The following CACNA1A variants were observed in gnomAD, a reference collection of about 807,000 sequenced individuals.
CACNA1A encodes voltage-dependent P/Q-type calcium channel subunit alpha-1A.
In CACNA1A, 57 loss-of-function variants were observed where a neutral mutation model predicts 262.4. The ratio of observed to expected loss-of-function variants is 0.22; its 90% CI spans 0.18 to 0.27. The LOEUF is 0.27. Among genes scored for constraint, CACNA1A ranks in the 10% least tolerant of loss-of-function variants. The probability of loss-of-function intolerance (pLI) is 1.00; values close to 1 mark genes in which losing one functional copy is unlikely to be tolerated. For synonymous variants in CACNA1A, 1,431 were observed against 1,419.3 expected (o/e 1.01, Z -0.18); for missense variants, 2,526 against 3,562.8 (o/e 0.71, Z 7.41).
At chr19:13,289,267 C>T (rs1364114320) in intron 19 of CACNA1A, among the ~76,000 whole-genome samples, 1 of 151,878 alleles carries the variant, frequency 6.6e-6, no homozygotes, top group African/African-American at 2.4e-5. Context: ...TCAGCCTTCC[C>T]AGTAGCTGGG....
intron 31 of CACNA1A, among the ~76,000 whole-genome samples, chr19:13,239,512 CATA>C (rs2055998422): frequency 6.6e-6 from 1 of 152,266 alleles, no homozygotes; most frequent in African/African-American, 2.4e-5. Context: ...TGCTTCTGCC[CATA>C]ATTCCATCTG....
chr19:13,418,401 T>C (rs775297770), intron 3 of CACNA1A, among the ~76,000 whole-genome samples: 6 of 152,150 alleles, frequency 3.9e-5, no homozygotes, highest in African/African-American at 4.8e-5. Context: ...GGTTGAACAG[T>C]GAACCCTCCA....
intron 3 of CACNA1A, among the ~76,000 whole-genome samples, chr19:13,415,073 G>A (rs991052354): frequency 6.6e-6 from 1 of 152,080 alleles, no homozygotes; most frequent in Non-Finnish European, 1.5e-5. Context: ...TTTGGGGAAG[G>A]TAGGAACTAC....
chr19:13,388,799 C>T (rs986210602), intron 3 of CACNA1A, among the ~76,000 whole-genome samples: 25 of 152,174 alleles, frequency 1.6e-4, no homozygotes, highest in African/African-American at 4.8e-4. Flanking sequence ...CGCAAAAACA[C>T]GTGCGATATT....
chr19:13,485,546 T>C lies in CACNA1A; in HGVS notation c.293+20386A>G, dbSNP rs537276634. On this transcript the variant is annotated intron_variant, in intron 1 of 46. Transcript: ENST00000360228. Reference sequence around the variant, plus strand: ...CAATATTTTTTTTTTAAAAGTGACCTAATCAAAAATGGACAGAGCATGTAG... The same window carrying C: ...CAATATTTTTTTTTTAAAAGTGACCCAATCAAAAATGGACAGAGCATGTAG... 6.6e-5 allele frequency among the ~76,000 whole-genome samples: 10 copies of C among 152,168 alleles called. No individual in the cohort carries two copies. The East Asian group carries it at 1.7e-3, about 26-fold the overall frequency.
intron 15 of CACNA1A, chr19:13,307,203 T>C (rs1209806034): frequency 6.6e-6 from 1 of 152,328 alleles, no homozygotes; most frequent in African/African-American, 2.4e-5. Context: ...CCTCAAGTAG[T>C]CCTCCCATCT....
rs377709995 is a variant in CACNA1A, at chr19:13,208,024, G to A, written c.6810C>T (p.Ala2270=). Residue 2270 remains alanine, a synonymous_variant, in exon 47 of 47, where the codon GCC becomes GCT. Coordinates refer to ENST00000360228, the MANE Select transcript of CACNA1A (RefSeq NM_001127222.2). ...QGSSSVSGSP[A]PSTSGTSTPR... ...GAGTGCTGGTACCAGATGTTGAGGG[G>A]GCTGGGCTTCCACTTACGGAACTAC... is the stretch of plus-strand genomic sequence containing the variant. 1.2e-5 allele frequency: 16 copies of A among 1,308,202 alleles called. No individual in the cohort carries two copies. In the East Asian group the frequency reaches 4.7e-4, roughly 38 times the overall value. The allele number at this position is 1,308,202 out of a possible 1,614,324, so 81.0% of individuals were successfully genotyped here.
intron 29 of CACNA1A, among the ~76,000 whole-genome samples, chr19:13,253,426 T>C (rs1267551782): frequency 6.7e-6 from 1 of 149,958 alleles, no homozygotes; most frequent in Non-Finnish European, 1.5e-5. Flanking sequence ...CATACGCCAT[T>C]GTGCTTGGCT....
chr19:13,318,890 C>CTTTTTTTTTTTTTTTTGTTTTTTTTTTT (rs2058187867), intron 10 of CACNA1A, among the ~76,000 whole-genome samples: 1 of 114,668 alleles, frequency 8.7e-6, no homozygotes, highest in Non-Finnish European at 1.7e-5. Flanking sequence ...TAAAATACAT[C>CTTTTTTTTTTTTTTTTGTTTTTTTTTTT]TTTTTTTTTT....
At position 13,503,363 on chromosome 19, in the gene CACNA1A, T is replaced by C. The variant is rs894336417; in HGVS notation, c.293+2569A>G. Among the ~76,000 whole-genome samples, 7 of 152,132 alleles carry C rather than the reference T, an allele frequency of 4.6e-5. No homozygotes were observed. In the East Asian group the frequency reaches 1.2e-3, roughly 25 times the overall value. Reference sequence around the variant, plus strand: ...TGCTGGATACGTGGGTGTGTTCATTTTGTAAAAATCTATGCATCTGAATAT... The same window carrying C: ...TGCTGGATACGTGGGTGTGTTCATTCTGTAAAAATCTATGCATCTGAATAT... On this transcript the variant is annotated intron_variant, in intron 1 of 46. Coordinates refer to ENST00000360228, the MANE Select transcript of CACNA1A (RefSeq NM_001127222.2).
intron 12 of CACNA1A, among the ~76,000 whole-genome samples, chr19:13,309,202 G>T (rs2057967049): frequency 1.3e-5 from 2 of 151,864 alleles, no homozygotes; most frequent in Admixed American, 6.6e-5. Context: ...TAGAGACGGG[G>T]TTTCACTGTG....
intron 10 of CACNA1A, among the ~76,000 whole-genome samples, chr19:13,322,837 A>G (rs9305033): frequency 0.59 from 89,421 of 152,050 alleles, 28,790 homozygotes; most frequent in East Asian, 0.96. Context: ...GACAGCAGTC[A>G]TTGGATTTAG....
chr19:13,418,778 T>G (rs1268952009), intron 3 of CACNA1A, among the ~76,000 whole-genome samples: 2 of 152,244 alleles, frequency 1.3e-5, no homozygotes, highest in Non-Finnish European at 2.9e-5. Context: ...GGTACAGTCA[T>G]GTGCTACATA....
In CACNA1A at chr19:13,303,585, G is replaced by A. The variant is rs764839814; in HGVS notation, c.2133C>T (p.Ile711=). Reference sequence around the variant, plus strand: ...GGGCGTTGGCCAGATTGTCCACAGCGATGGCCAAGAACACATTCAGGAGGG... The same window carrying A: ...GGGCGTTGGCCAGATTGTCCACAGCAATGGCCAAGAACACATTCAGGAGGG... The part of the protein sequence containing the change: ...NYTLLNVFLA[I]AVDNLANAQE... The change falls in exon 17 of 47, where the codon ATC becomes ATT. Residue 711 remains isoleucine, a synonymous_variant. Transcript: ENST00000360228. 13 of 1,610,972 alleles carry A rather than the reference G, an allele frequency of 8.1e-6. 1 individual carries two copies. The highest frequency in any genetic ancestry group is 4.5e-5 in the East Asian group (2 of 44,778).
chr19:13,286,899 C>G lies in CACNA1A; in HGVS notation c.3157G>C (p.Asp1053His), dbSNP rs2144889174. The change falls in exon 20 of 47, where the codon GAC becomes CAC. Residue 1053 changes from aspartate to histidine, a missense_variant. Around this residue, in one of 17 missense-constraint regions of CACNA1A, gnomAD observed 765 missense variants for 748.6 expected, o/e 1.02. Transcript: ENST00000360228. ...NLSTTRPIQQ[D>H]LGRQDPPLAE... is the part of the protein sequence containing the mutation. ...AGGGGTGGGTCTTGGCGGCCCAGGT[C>G]CTGCTGGATTGGCCGGGTGGTTGAC... 1 of 1,613,314 alleles carries G rather than the reference C, an allele frequency of 6.2e-7. No homozygotes were observed. Among genetic ancestry groups the G allele is most frequent in the Non-Finnish European group, 8.5e-7 (1 of 1,179,808 alleles).
rs992722606 is a variant in CACNA1A at position 13,228,913 on chromosome 19, A to G, written c.5528+1169T>C. On this transcript the variant is annotated intron_variant, in intron 36 of 46. Transcript: ENST00000360228. ...TCCCTGGCTTGAAGGAGTGGGAGAG[A>G]CTGGGGACAAGTGAAGGTCCCCAGT... 4 of 532,644 alleles carry G rather than the reference A, an allele frequency of 7.5e-6. No homozygotes were observed. The South Asian group carries it at 7.8e-5, about 10-fold the overall frequency. 33.0% of individuals were successfully genotyped at this position (532,644 alleles called of 1,614,324 possible). A position where few individuals can be genotyped will look rare whatever the true frequency, so the allele number is the denominator to read the frequency against.
At chr19:13,419,150 G>A (rs1009085181) in intron 3 of CACNA1A, among the ~76,000 whole-genome samples, 2 of 152,086 alleles carry the variant, frequency 1.3e-5, no homozygotes, top group Non-Finnish European at 2.9e-5. Flanking sequence ...AATTACAGGC[G>A]TGAGCCACCG....
intron 10 of CACNA1A, among the ~76,000 whole-genome samples, chr19:13,325,500 G>A (rs2058345313): frequency 6.6e-6 from 1 of 152,196 alleles, no homozygotes; most frequent in African/African-American, 2.4e-5. Flanking sequence ...CCAGGCTGGA[G>A]TGCAGATCTT....
rs908771246 is a variant in CACNA1A, at chr19:13,210,365, G to T, written c.6339+252C>A. On this transcript the variant is annotated intron_variant, in intron 44 of 46. Transcript: ENST00000360228. ...GGCTCTTGGAGAGCCAGTGTCCTCC[G>T]GCGTGGGGGGCCCTGAAGAAAAGGG... 7.9e-5 allele frequency among the ~76,000 whole-genome samples: 12 copies of T among 152,124 alleles called. 1 individual carries two copies. Among genetic ancestry groups the T allele is most frequent in the Admixed American group, 7.9e-4 (12 of 15,270 alleles).
Sources: allele counts gnomAD v4.1 joint callset (sites outside exome capture counted in the v4.1 genomes callset), GRCh38; gene constraint gnomAD v4.1.1; regional missense constraint gnomAD v4.1.1; transcripts MANE v1.5; gene names NCBI Gene and HGNC (gene_info 2026-07-23, HGNC 2026-07-21).